The following MB21D2 variants were observed in gnomAD, a reference collection of about 807,000 sequenced individuals.
MB21D2 encodes the protein nucleotidyltransferase MB21D2.
MB21D2 carries 9 observed loss-of-function variants against 33.3 expected under a neutral mutation model. That is an observed-to-expected ratio of 0.27 (90% CI 0.16 to 0.47). The LOEUF is 0.47. Among genes scored for constraint, MB21D2 ranks in the 20% least tolerant of loss-of-function variants. The pLI is 0.99. For synonymous variants in MB21D2, 241 were observed against 236.3 expected, an observed-to-expected ratio of 1.02 and a Z score of -0.18; for missense variants, 540 against 624.6, an observed-to-expected ratio of 0.86 and a Z score of 1.44.
chr3:192,902,695 T>C (rs1437018887), intron 1 of MB21D2, among the ~76,000 whole-genome samples: 2 of 152,170 alleles, frequency 1.3e-5, no homozygotes, highest in African/African-American at 4.8e-5. Context: ...TTGAATCCTA[T>C]TACAACACCC....
chr3:192,893,243 C>T (rs1713893450), intron 1 of MB21D2, among the ~76,000 whole-genome samples: 1 of 152,204 alleles, frequency 6.6e-6, no homozygotes, highest in Non-Finnish European at 1.5e-5. Context: ...AGTGACATGA[C>T]GTCTTTACTT....
chr3:192,809,385 A>C (rs1188718684), intron 1 of MB21D2, among the ~76,000 whole-genome samples: 1 of 152,144 alleles, frequency 6.6e-6, no homozygotes, highest in Non-Finnish European at 1.5e-5. Context: ...GTGAGCCACC[A>C]TGCCCAGCCT....
chr3:192,901,421 A>C (rs981572368), intron 1 of MB21D2, among the ~76,000 whole-genome samples: 2 of 150,972 alleles, frequency 1.3e-5, no homozygotes, highest in African/African-American at 4.9e-5. Context: ...TTCAAAAAAA[A>C]AAAAAAAAAA....
chr3:192,898,617 G>A (rs2367133), intron 1 of MB21D2, among the ~76,000 whole-genome samples: 78,220 of 151,892 alleles, frequency 0.51, 20,277 homozygotes, highest in South Asian at 0.53. Flanking sequence ...AATAGCCAAC[G>A]ATACCAGCAA....
At chr3:192,835,443 G>C (rs1421222352) in intron 1 of MB21D2, among the ~76,000 whole-genome samples, 2 of 111,394 alleles carry the variant, frequency 1.8e-5, no homozygotes, top group Admixed American at 2.3e-4. Flanking sequence ...GCGACACAGC[G>C]AGACTCTGTC....
chr3:192,859,355 C>G (rs1488350125), intron 1 of MB21D2, among the ~76,000 whole-genome samples: 3 of 152,140 alleles, frequency 2.0e-5, no homozygotes, highest in African/African-American at 7.2e-5. Context: ...TGTCAAACCA[C>G]CCCCACCCCC....
chr3:192,843,297 G>C (rs747745094), intron 1 of MB21D2, among the ~76,000 whole-genome samples: 5 of 152,184 alleles, frequency 3.3e-5, no homozygotes, highest in Non-Finnish European at 5.9e-5. Flanking sequence ...AGTGCTGAAA[G>C]AAAGCTCCTT....
intron 1 of MB21D2, among the ~76,000 whole-genome samples, chr3:192,897,235 C>T (rs187481047): frequency 1.4e-3 from 215 of 152,212 alleles, no homozygotes; most frequent in Non-Finnish European, 1.8e-3. Context: ...TTTGATGCAA[C>T]AAACTATGCA....
intron 1 of MB21D2, among the ~76,000 whole-genome samples, chr3:192,858,662 G>C (rs144998568): frequency 4.0e-4 from 61 of 152,272 alleles, no homozygotes; most frequent in African/African-American, 1.4e-3. Flanking sequence ...GACAGATGGA[G>C]CTATGAATCA....
rs1415763666 is a variant in MB21D2, at chr3:192,799,871, A to G, written c.212-221T>C. On this transcript the variant is annotated intron_variant, in intron 1 of 1. Coordinates refer to ENST00000392452, the MANE Select transcript of MB21D2 (RefSeq NM_178496.4). This position sits in a 1 kb window ranked among gnomAD's most constrained non-coding sequence, Gnocchi z 4.1. ...GAATTATGATAGATTTTTCTCTCTC[A>G]GTGTGAAAAGCAGTATCGTTTTCAA... is the stretch of plus-strand genomic sequence containing the variant. Among the ~76,000 whole-genome samples, 2 of 152,196 alleles carry G rather than the reference A, an allele frequency of 1.3e-5. No individual in the cohort carries two copies. The highest frequency in any genetic ancestry group is 2.9e-5 in the Non-Finnish European group (2 of 68,034).
chr3:192,834,487 C>A (rs138129949), intron 1 of MB21D2, among the ~76,000 whole-genome samples: 1 of 151,540 alleles, frequency 6.6e-6, no homozygotes, highest in East Asian at 1.9e-4. Flanking sequence ...CATCCCCATT[C>A]CACTGCTTTT....
intron 1 of MB21D2, among the ~76,000 whole-genome samples, chr3:192,912,631 C>G (rs1456320023): frequency 6.6e-6 from 1 of 152,030 alleles, no homozygotes; most frequent in Admixed American, 6.6e-5. Context: ...CAAGATCATG[C>G]CACTGCACTC....
rs1712230522 is a variant in MB21D2, at chr3:192,828,591, CATATATATATA to C, written c.212-28952_212-28942del. 7.9e-4 allele frequency among the ~76,000 whole-genome samples: 43 copies of C among 54,142 alleles called. 6 individuals are homozygous for C. Among genetic ancestry groups the C allele is most frequent in the East Asian group, 3.0e-3 (4 of 1,340 alleles). The allele number at this position is 54,142 out of a possible 152,430, so 35.5% of individuals were successfully genotyped here. A position where few individuals can be genotyped will look rare whatever the true frequency, so the allele number is the denominator to read the frequency against. On this transcript the variant is annotated intron_variant, in intron 1 of 1. Transcript: ENST00000392452. ...TATATACAATAAAACTCACCCCCCC[CATATATATATA>C]TATATATATATATATATATATATAT...
Position 192,798,306 on chromosome 3 carries a change from A to C in MB21D2, c.*80T>G. 6.7e-7 allele frequency: 1 copy of C among 1,493,308 alleles called. No individual in the cohort carries two copies. The highest frequency in any genetic ancestry group is 9.1e-7 in the Non-Finnish European group (1 of 1,102,646). The allele number at this position is 1,493,308 out of a possible 1,614,324, so 92.5% of individuals were successfully genotyped here. A position where few individuals can be genotyped will look rare whatever the true frequency, so the allele number is the denominator to read the frequency against. Reference sequence around the variant, plus strand: ...AATCCAATCTAGGCTGGATATGTAAAAAACAGAAAGATAGCATCACAAACC... The same window carrying C: ...AATCCAATCTAGGCTGGATATGTAACAAACAGAAAGATAGCATCACAAACC... On this transcript the variant is annotated 3_prime_UTR_variant, in exon 2 of 2. Transcript: ENST00000392452. This position sits in a 1 kb window ranked among gnomAD's most constrained non-coding sequence, Gnocchi z 4.8.
intron 1 of MB21D2, among the ~76,000 whole-genome samples, chr3:192,866,235 G>A (rs1427164474): frequency 2.0e-5 from 3 of 152,002 alleles, no homozygotes; most frequent in Non-Finnish European, 2.9e-5. Context: ...CTCAGGTTAG[G>A]AAAACAACAG....
At chr3:192,820,962 C>A (rs1712039220) in intron 1 of MB21D2, among the ~76,000 whole-genome samples, 1 of 152,058 alleles carries the variant, frequency 6.6e-6, no homozygotes, top group Non-Finnish European at 1.5e-5. Context: ...GAGATGAGGT[C>A]TCGCTATGTT....
intron 1 of MB21D2, among the ~76,000 whole-genome samples, chr3:192,906,380 C>T (rs1463558061): frequency 6.6e-6 from 1 of 152,198 alleles, no homozygotes; most frequent in Non-Finnish European, 1.5e-5. Context: ...AGCCCCACCC[C>T]ATCATAAGCC....
intron 1 of MB21D2, among the ~76,000 whole-genome samples, chr3:192,866,978 T>C (rs190754437): frequency 2.0e-5 from 3 of 152,292 alleles, no homozygotes; most frequent in Admixed American, 6.5e-5. Flanking sequence ...GGAAAGCTGT[T>C]TTCCCTCCCT....
chr3:192,799,763 T>C lies in MB21D2; in HGVS notation c.212-113A>G. The C allele has an allele frequency of 1.7e-6, 2 of 1,158,642 alleles. No individual in the cohort carries two copies. Among genetic ancestry groups the C allele is most frequent in the Admixed American group, 2.8e-5 (1 of 35,656 alleles). 71.8% of individuals were successfully genotyped at this position (1,158,642 alleles called of 1,614,324 possible). ...AAGAACCAAAACTCATTATCAGTAC[T>C]AAATCAAATCTCAGGCTGCTGCAGA... On this transcript the variant is annotated intron_variant, in intron 1 of 1. Transcript: ENST00000392452. This position sits in a 1 kb window ranked among gnomAD's most constrained non-coding sequence, Gnocchi z 4.1.
Sources: allele counts gnomAD v4.1 joint callset (sites outside exome capture counted in the v4.1 genomes callset), GRCh38; gene constraint gnomAD v4.1.1; non-coding constraint Gnocchi (gnomAD v3.1); transcripts MANE v1.5; gene names NCBI Gene and HGNC (gene_info 2026-07-23, HGNC 2026-07-21).